PTPRZ1: variants seen among roughly 807,000 people sequenced by gnomAD.
The protein encoded by PTPRZ1 is receptor-type tyrosine-protein phosphatase zeta.
A neutral mutation model predicts 214.1 loss-of-function variants in PTPRZ1; 82 were observed. The observed-to-expected ratio is 0.38, with a 90% confidence interval of 0.32 to 0.46. The LOEUF is 0.46. Ranked by LOEUF, PTPRZ1 falls within the 20% of genes least tolerant of loss-of-function variation. The probability of loss-of-function intolerance (pLI) is 1.00; values close to 1 mark genes in which losing one functional copy is unlikely to be tolerated. For synonymous variants in PTPRZ1, 945 were observed against 987.9 expected, an observed-to-expected ratio of 0.96 and a Z score of 0.81; for missense variants, 2,603 against 2,748.7, an observed-to-expected ratio of 0.95 and a Z score of 1.19.
At chr7:121,926,770 T>G (rs1795777293) in intron 1 of PTPRZ1, among the ~76,000 whole-genome samples, 1 of 152,232 alleles carries the variant, frequency 6.6e-6, no homozygotes, top group African/African-American at 2.4e-5. Flanking sequence ...CATTGACTTG[T>G]ACACTTTAAT....
Position 121,971,059 on chromosome 7 carries a change from A to T in PTPRZ1, c.305-1482A>T, listed in dbSNP as rs369678235. On this transcript the variant is annotated intron_variant, in intron 3 of 29. Transcript: ENST00000393386. ...TCCCAGCACCATTTCTTAAATAGGG[A>T]ATCGTTTCCCCATTTCTTGTTTTTT... Among the ~76,000 whole-genome samples, 57 of 152,266 alleles carry T rather than the reference A, an allele frequency of 3.7e-4. No individual in the cohort carries two copies. In the East Asian group the frequency reaches 6.4e-3, roughly 17 times the overall value.
chr7:121,987,978 A>G (rs1797814805), intron 8 of PTPRZ1, among the ~76,000 whole-genome samples: 1 of 152,170 alleles, frequency 6.6e-6, no homozygotes, highest in Non-Finnish European at 1.5e-5. Context: ...TTAATTACAC[A>G]TAGACATAAA....
chr7:121,983,216 T>C (rs1163048943), intron 6 of PTPRZ1, among the ~76,000 whole-genome samples: 1 of 152,226 alleles, frequency 6.6e-6, no homozygotes, highest in African/African-American at 2.4e-5. Context: ...GAAGTGGTGA[T>C]GGCAGGAAAT....
intron 3 of PTPRZ1, among the ~76,000 whole-genome samples, chr7:121,971,637 G>A (rs1469465766): frequency 6.6e-6 from 1 of 152,158 alleles, no homozygotes; most frequent in South Asian, 2.1e-4. Context: ...AAGGTTGTGC[G>A]AAGATCAAAT....
intron 1 of PTPRZ1, among the ~76,000 whole-genome samples, chr7:121,874,996 T>C (rs2116126949): frequency 6.6e-6 from 1 of 152,270 alleles, no homozygotes; most frequent in East Asian, 1.9e-4. Context: ...AGTATTGCTT[T>C]GTATGTCTTC....
chr7:121,951,879 A>G (rs1159984077), intron 2 of PTPRZ1, among the ~76,000 whole-genome samples: 1 of 152,216 alleles, frequency 6.6e-6, no homozygotes, highest in Non-Finnish European at 1.5e-5. Flanking sequence ...TACTGAATAG[A>G]CTGTTAGAGA....
At chr7:121,878,872 G>A (rs1348295086) in intron 1 of PTPRZ1, among the ~76,000 whole-genome samples, 2 of 150,704 alleles carry the variant, frequency 1.3e-5, no homozygotes. Flanking sequence ...TAGAAAGATT[G>A]TACCATGAAG....
At chr7:121,989,452 G>T (rs886647678) in intron 8 of PTPRZ1, among the ~76,000 whole-genome samples, 2 of 143,490 alleles carry the variant, frequency 1.4e-5, no homozygotes, top group East Asian at 4.2e-4. Context: ...TCGGCTCACC[G>T]CAACCTCCGC....
intron 1 of PTPRZ1, among the ~76,000 whole-genome samples, chr7:121,877,187 T>C (rs1038701444): frequency 9.2e-5 from 14 of 152,270 alleles, no homozygotes; most frequent in African/African-American, 3.4e-4. Context: ...ATTGGTGTTT[T>C]CATCTTACAC....
At chr7:121,888,398 A>G (rs1198131426) in intron 1 of PTPRZ1, among the ~76,000 whole-genome samples, 1 of 152,092 alleles carries the variant, frequency 6.6e-6, no homozygotes, top group Non-Finnish European at 1.5e-5. Flanking sequence ...GGGGAATACT[A>G]TCAAAGGTAG....
At chr7:121,943,103 C>T (rs1341827167) in intron 2 of PTPRZ1, among the ~76,000 whole-genome samples, 1 of 151,872 alleles carries the variant, frequency 6.6e-6, no homozygotes, top group Non-Finnish European at 1.5e-5. Context: ...CTATGCATGC[C>T]GGCTCATAGT....
Position 122,011,199 on chromosome 7 carries a change from A to T in PTPRZ1, c.2153A>T (p.Tyr718Phe), listed in dbSNP as rs1038187652. ...ATGCCACATTATTCTACCTTTGCCTACTTCCCAACTGAGGTAACACCTCAT... is the reference window on the plus strand; with the variant it reads ...ATGCCACATTATTCTACCTTTGCCTTCTTCCCAACTGAGGTAACACCTCAT... Reference protein sequence around the residue: ...LEMPHYSTFAYFPTEVTPHAF... With the variant: ...LEMPHYSTFAFFPTEVTPHAF... Residue 718 changes from tyrosine to phenylalanine, a missense_variant, in exon 12 of 30, where the codon TAC (tyrosine) becomes TTC (phenylalanine). Around this residue, in one of 6 missense-constraint regions of PTPRZ1, gnomAD observed 1,913 missense variants for 1,914.3 expected, o/e 1.00. Coordinates refer to ENST00000393386, the MANE Select transcript of PTPRZ1 (RefSeq NM_002851.3). 5 of 1,614,016 alleles carry T rather than the reference A, an allele frequency of 3.1e-6. No homozygotes were observed. Among genetic ancestry groups the T allele is most frequent in the East Asian group, 4.5e-5 (2 of 44,852 alleles).
rs1381491757 is a variant in PTPRZ1 at position 121,983,818 on chromosome 7, G to T, written c.773G>T (p.Ser258Ile). ...AAAGATACAGTTAGCATCTCTGAAA[G>T]CCAGGTAATCTTAGAAATTCAAACA... is the stretch of plus-strand genomic sequence containing the variant. ...VFKDTVSISE[S>I]QLAVFCEVLT... is the part of the protein sequence containing the mutation. The change falls in exon 7 of 30, where the codon AGC becomes ATC. Residue 258 changes from serine (S) to isoleucine (I), a missense_variant. Physicochemically the swap from Ser to Ile is moderately radical, Grantham distance 142. Around this residue, in one of 6 missense-constraint regions of PTPRZ1, gnomAD observed 244 missense variants for 333.2 expected, o/e 0.73. Coordinates refer to ENST00000393386, the MANE Select transcript of PTPRZ1 (RefSeq NM_002851.3). 6.2e-7 allele frequency: 1 copy of T among 1,609,824 alleles called. No homozygotes were observed. The highest frequency in any genetic ancestry group is 8.5e-7 in the Non-Finnish European group (1 of 1,178,732).
chr7:122,038,978 C>T (rs879401229), intron 19 of PTPRZ1, 89 bp downstream of exon 19: 29 of 1,389,028 alleles, frequency 2.1e-5, no homozygotes, highest in Admixed American at 3.8e-5. Context: ...AGGAAGGAGC[C>T]AAAGTTTTGA....
intron 1 of PTPRZ1, among the ~76,000 whole-genome samples, chr7:121,877,013 C>A (rs1383540245): frequency 6.6e-6 from 1 of 152,120 alleles, no homozygotes; most frequent in African/African-American, 2.4e-5. Context: ...GGAAATGGAA[C>A]CCCCTCAGTC....
intron 21 of PTPRZ1, among the ~76,000 whole-genome samples, chr7:122,041,845 G>A (rs1799742399): frequency 1.3e-5 from 2 of 152,150 alleles, no homozygotes; most frequent in Admixed American, 1.3e-4. Context: ...TTTTTAATCT[G>A]TTAGCCTGAT....
chr7:121,883,785 C>G (rs1048697699), intron 1 of PTPRZ1, among the ~76,000 whole-genome samples: 6 of 152,116 alleles, frequency 3.9e-5, no homozygotes, highest in African/African-American at 1.2e-4. Flanking sequence ...TGCCACCATG[C>G]CCAGCTAATT....
chr7:121,906,943 A>G (rs910260656), intron 1 of PTPRZ1, among the ~76,000 whole-genome samples: 8 of 146,294 alleles, frequency 5.5e-5, no homozygotes, highest in African/African-American at 2.0e-4. Context: ...ATGTAATGGT[A>G]TACTTATATA....
At chr7:121,980,965 A>G (rs1584707278) in intron 6 of PTPRZ1, among the ~76,000 whole-genome samples, 1 of 151,818 alleles carries the variant, frequency 6.6e-6, no homozygotes, top group African/African-American at 2.4e-5. Flanking sequence ...ACACGGTGAA[A>G]CCCCGTCTCT....
Sources: allele counts gnomAD v4.1 joint callset (sites outside exome capture counted in the v4.1 genomes callset), GRCh38; gene constraint gnomAD v4.1.1; regional missense constraint gnomAD v4.1.1; transcripts MANE v1.5; gene names NCBI Gene and HGNC (gene_info 2026-07-23, HGNC 2026-07-21).